Variants in ABHD2 observed in about 807,000 individuals in gnomAD.
ABHD2 encodes monoacylglycerol lipase ABHD2.
A neutral mutation model predicts 48.1 loss-of-function variants in ABHD2; 20 were observed. The ratio of observed to expected loss-of-function variants is 0.42; its 90% CI spans 0.29 to 0.60. The LOEUF (loss-of-function observed/expected upper bound fraction) is 0.60. Among genes scored for constraint, ABHD2 ranks in the 20% least tolerant of loss-of-function variants. The pLI is 0.24. For synonymous variants in ABHD2, 209 were observed against 214.2 expected (o/e 0.98, Z 0.21); for missense variants, 405 against 550.9 (o/e 0.74, Z 2.65).
At chr15:89,056,286 C>T in the ABHD2 span, among the ~76,000 whole-genome samples, 1 of 152,218 alleles carries the variant, frequency 6.6e-6, no homozygotes, top group South Asian at 2.1e-4. Context: ...TATTGCTCAC[C>T]TCAGGAGATG....
At chr15:89,073,440 T>C in the ABHD2 span, among the ~76,000 whole-genome samples, 1 of 152,112 alleles carries the variant, frequency 6.6e-6, no homozygotes, top group East Asian at 1.9e-4. Flanking sequence ...GGATTACAGG[T>C]GCCCACGACC....
In ABHD2 at chr15:89,166,386, A is replaced by G. The variant is rs2050838561; in HGVS notation, c.539-9426A>G. Among the ~76,000 whole-genome samples, 1 of 152,210 alleles carries G rather than the reference A, an allele frequency of 6.6e-6. No individual in the cohort carries two copies. Among genetic ancestry groups the G allele is most frequent in the African/African-American group, 2.4e-5 (1 of 41,452 alleles). ...TAAACTCTTGACTCTCGGGCATTAG[A>G]CATCAAGCTGTGAGGAAGTACGTGA... is the stretch of plus-strand genomic sequence containing the variant. On this transcript the variant is annotated intron_variant, in intron 5 of 10. Transcript: ENST00000352732. This position sits in a 1 kb window ranked among gnomAD's most constrained non-coding sequence, Gnocchi z 4.6.
the ABHD2 span, among the ~76,000 whole-genome samples, chr15:89,052,781 A>G: frequency 2.7e-4 from 41 of 152,122 alleles, 1 homozygote; most frequent in South Asian, 7.7e-3. Flanking sequence ...GAAACAACAC[A>G]TTTCTGTGGT....
intron 3 of ABHD2, among the ~76,000 whole-genome samples, chr15:89,118,266 C>T (rs1232121098): frequency 6.6e-6 from 1 of 152,024 alleles, no homozygotes; most frequent in African/African-American, 2.4e-5. Flanking sequence ...TCACTGTAAC[C>T]TCTGCTTCCC....
intron 3 of ABHD2, among the ~76,000 whole-genome samples, chr15:89,142,345 A>G (rs1291978650): frequency 6.6e-6 from 1 of 152,178 alleles, no homozygotes; most frequent in Non-Finnish European, 1.5e-5. Flanking sequence ...AAGGTAAATA[A>G]ATTCTTGATG....
At chr15:89,149,085 G>T (rs959130294) in intron 3 of ABHD2, among the ~76,000 whole-genome samples, 3 of 152,060 alleles carry the variant, frequency 2.0e-5, no homozygotes, top group African/African-American at 7.2e-5. Context: ...TTATTATGAA[G>T]TTAATTAAAA....
chr15:89,083,474 G>A (rs1357930682), upstream of ABHD2, among the ~76,000 whole-genome samples: 1 of 152,292 alleles, frequency 6.6e-6, no homozygotes, highest in South Asian at 2.1e-4. The surrounding 1 kb of genome is among the most constrained non-coding windows in gnomAD (Gnocchi z 5.1). Context: ...TTTCATCTGT[G>A]TGTGTGCGCG....
chr15:89,188,224 C>T lies in ABHD2; in HGVS notation c.847C>T (p.Pro283Ser), dbSNP rs368935537. ...QALFGDHVKK[P>S]QSLEDTDLSR... Reference sequence around the variant, plus strand: ...TCTTTTTGGAGACCATGTTAAGAAACCCCAGAGCCTGGAAGACACGGACTT... The same window carrying T: ...TCTTTTTGGAGACCATGTTAAGAAATCCCAGAGCCTGGAAGACACGGACTT... Residue 283 changes from proline to serine, a missense_variant, in exon 8 of 11, where the codon CCC (proline) becomes TCC (serine). Pro to Ser is a moderately conservative substitution (Grantham distance 74). Coordinates refer to ENST00000352732, the MANE Select transcript of ABHD2 (RefSeq NM_152924.5). The surrounding 1 kb of genome is among the most constrained non-coding windows in gnomAD (Gnocchi z 4.1). 6.2e-7 allele frequency: 1 copy of T among 1,614,196 alleles called. No individual in the cohort carries two copies. The highest frequency in any genetic ancestry group is 8.5e-7 in the Non-Finnish European group (1 of 1,180,024).
chr15:89,181,232 A>AAAAAC (rs1029570432), intron 6 of ABHD2, among the ~76,000 whole-genome samples: 1 of 150,912 alleles, frequency 6.6e-6, no homozygotes, highest in Non-Finnish European at 1.5e-5. Flanking sequence ...CTGTCTCAAA[A>AAAAAC]AAAAAAAAAA....
chr15:89,142,349 C>A (rs1390138140), intron 3 of ABHD2, among the ~76,000 whole-genome samples: 1 of 152,166 alleles, frequency 6.6e-6, no homozygotes, highest in African/African-American at 2.4e-5. Flanking sequence ...TAAATAAATT[C>A]TTGATGCTAG....
chr15:89,165,568 A>C (rs2050825773), intron 5 of ABHD2, among the ~76,000 whole-genome samples: 1 of 152,124 alleles, frequency 6.6e-6, no homozygotes, highest in African/African-American at 2.4e-5. Context: ...GCTGGGCAAC[A>C]TAGCAAGTCC....
At chr15:89,065,158 C>T in the ABHD2 span, among the ~76,000 whole-genome samples, 19 of 152,128 alleles carry the variant, frequency 1.2e-4, no homozygotes, top group Non-Finnish European at 8.8e-5. Context: ...ATTTCCAGCT[C>T]AGAGAGCCCC....
chr15:89,135,524 A>T, intron 3 of ABHD2: 1 of 1,280,326 alleles, frequency 7.8e-7, no homozygotes. Context: ...ACGAGAAAAA[A>T]AACTACACTA....
chr15:89,139,178 T>G (rs2050364397), intron 3 of ABHD2, among the ~76,000 whole-genome samples: 1 of 152,166 alleles, frequency 6.6e-6, no homozygotes, highest in Non-Finnish European at 1.5e-5. Flanking sequence ...ACCACTGCAC[T>G]CCAGCCTGGG....
At chr15:89,107,062 G>A (rs892303083) in intron 1 of ABHD2, among the ~76,000 whole-genome samples, 4 of 152,132 alleles carry the variant, frequency 2.6e-5, no homozygotes, top group African/African-American at 4.8e-5. Flanking sequence ...TTTGCTGGGA[G>A]ATCCAGGCTA....
intron 10 of ABHD2, 44 bp downstream of exon 10, chr15:89,193,363 G>A: frequency 6.5e-7 from 1 of 1,530,812 alleles, no homozygotes; most frequent in South Asian, 1.1e-5. Context: ...TCAGCAAGTT[G>A]CCACAGTAAA....
intron 3 of ABHD2, among the ~76,000 whole-genome samples, chr15:89,143,688 CAA>C (rs10707555): frequency 1.5e-3 from 191 of 129,978 alleles, no homozygotes; most frequent in African/African-American, 4.3e-3. Flanking sequence ...CATCTCAAAA[CAA>C]AAAAAAAAAA....
intron 6 of ABHD2, among the ~76,000 whole-genome samples, chr15:89,183,016 C>A (rs955667844): frequency 3.3e-5 from 5 of 152,132 alleles, no homozygotes; most frequent in African/African-American, 1.2e-4. Flanking sequence ...TCTTTTAAAG[C>A]AAGTTGCAGA....
In ABHD2 at chr15:89,104,585, A is replaced by G. The variant is rs2049753331; in HGVS notation, c.-106-9140A>G. 1.3e-5 allele frequency among the ~76,000 whole-genome samples: 2 copies of G among 152,188 alleles called. No individual in the cohort carries two copies. The highest frequency in any genetic ancestry group is 4.1e-4 in the South Asian group (2 of 4,834). On this transcript the variant is annotated intron_variant, in intron 1 of 10. Transcript: ENST00000352732. This position sits in a 1 kb window ranked among gnomAD's most constrained non-coding sequence, Gnocchi z 4.4. ...GAAACCAGAACGCTCAGGAACGGTG[A>G]GTCCCAGTTATTTTTATTTTCTCAT...
Sources: allele counts gnomAD v4.1 joint callset (sites outside exome capture counted in the v4.1 genomes callset), GRCh38; gene constraint gnomAD v4.1.1; non-coding constraint Gnocchi (gnomAD v3.1); transcripts MANE v1.5; gene names NCBI Gene and HGNC (gene_info 2026-07-23, HGNC 2026-07-21).